The following GLIS3 variants were observed in gnomAD, a reference collection of about 807,000 sequenced individuals.
GLIS3 encodes the protein GLIS family zinc finger 3.
A neutral mutation model predicts 78.6 loss-of-function variants in GLIS3; 53 were observed. That is an observed-to-expected ratio of 0.67 (90% CI 0.54 to 0.85). GLIS3 has a LOEUF of 0.85. Among genes scored for constraint, GLIS3 ranks in the 40% least tolerant of loss-of-function variants. The pLI is 0.00. For missense variants in GLIS3, 1,703 were observed against 1,231.1 expected, an observed-to-expected ratio of 1.38 and a Z score of -5.74; for synonymous variants, 684 against 509.9, an observed-to-expected ratio of 1.34 and a Z score of -4.60.
chr9:3,986,946 CA>C (rs1819788559), intron 4 of GLIS3, among the ~76,000 whole-genome samples: 1 of 152,118 alleles, frequency 6.6e-6, no homozygotes. Flanking sequence ...ACCAAAAAAT[CA>C]CAACTTGAGT....
intron 4 of GLIS3, among the ~76,000 whole-genome samples, chr9:4,021,997 T>G (rs980926163): frequency 2.0e-4 from 30 of 152,336 alleles, no homozygotes; most frequent in African/African-American, 7.2e-4. Context: ...TTTGTTTGTT[T>G]TTAGTCTCCA....
chr9:4,098,532 C>G (rs1247599540), intron 4 of GLIS3, among the ~76,000 whole-genome samples: 2 of 152,168 alleles, frequency 1.3e-5, no homozygotes, highest in Admixed American at 6.5e-5. Context: ...ACAAATTACC[C>G]TGAGAGATTA....
chr9:4,279,242 G>C (rs1270882706), intron 2 of GLIS3, among the ~76,000 whole-genome samples: 1 of 146,166 alleles, frequency 6.8e-6, no homozygotes, highest in African/African-American at 2.5e-5. Flanking sequence ...AGGTTGCAGT[G>C]AGCCGAGATC....
At chr9:4,346,455 T>C (rs1817898709) in intron 2 of GLIS3, among the ~76,000 whole-genome samples, 1 of 152,208 alleles carries the variant, frequency 6.6e-6, no homozygotes, top group African/African-American at 2.4e-5. Flanking sequence ...GGCATCTTGA[T>C]TTAGGAAGAA....
At chr9:4,094,191 C>T (rs138824730) in intron 4 of GLIS3, among the ~76,000 whole-genome samples, 2 of 152,262 alleles carry the variant, frequency 1.3e-5, no homozygotes, top group African/African-American at 2.4e-5. Flanking sequence ...ACGAGAGGAA[C>T]TGAGGAAAAC....
In GLIS3 at chr9:3,849,166, C is replaced by T. The variant is rs148133550; in HGVS notation, c.2473+6843G>A. On this transcript the variant is annotated intron_variant, in intron 9 of 10. Transcript: ENST00000381971. ...AAATAAGAGCACACAGTGGAAAGTACGGAAACCTAAGAGAATGGAAGAGAT... is the reference window on the plus strand; with the variant it reads ...AAATAAGAGCACACAGTGGAAAGTATGGAAACCTAAGAGAATGGAAGAGAT... Among the ~76,000 whole-genome samples, 219 of 152,198 alleles carry T rather than the reference C, an allele frequency of 1.4e-3. 2 individuals are homozygous for T. Among genetic ancestry groups the T allele is most frequent in the African/African-American group, 5.1e-3 (210 of 41,518 alleles).
At chr9:4,149,410 T>C (rs1834493544) in intron 2 of GLIS3, among the ~76,000 whole-genome samples, 1 of 152,206 alleles carries the variant, frequency 6.6e-6, no homozygotes, top group South Asian at 2.1e-4. Flanking sequence ...TTCATTCATA[T>C]TCCCTTAACC....
intron 6 of GLIS3, among the ~76,000 whole-genome samples, chr9:3,902,841 C>G (rs1588188596): frequency 6.6e-6 from 1 of 152,274 alleles, no homozygotes; most frequent in African/African-American, 2.4e-5. Flanking sequence ...AATATAGGAA[C>G]AGAAACCTTA....
the GLIS3 span, among the ~76,000 whole-genome samples, chr9:4,380,039 C>T: frequency 5.3e-5 from 8 of 152,326 alleles, no homozygotes; most frequent in South Asian, 1.5e-3. Context: ...AAGTCACCTA[C>T]TCTTTCTGAG....
At chr9:4,426,790 A>C in the GLIS3 span, among the ~76,000 whole-genome samples, 1 of 152,172 alleles carries the variant, frequency 6.6e-6, no homozygotes, top group African/African-American at 2.4e-5. Context: ...TCATTGGTAA[A>C]ATGGAGACAA....
chr9:4,359,224 G>A, the GLIS3 span, among the ~76,000 whole-genome samples: 3 of 152,020 alleles, frequency 2.0e-5, no homozygotes, highest in South Asian at 2.1e-4. Flanking sequence ...CGAGATGAGC[G>A]CGTGTGAATC....
chr9:4,223,102 A>T (rs553921158), intron 2 of GLIS3, among the ~76,000 whole-genome samples: 30 of 152,326 alleles, frequency 2.0e-4, no homozygotes, highest in Admixed American at 1.4e-3. Context: ...AAACCTTTTC[A>T]TATTTATGAA....
chr9:4,462,218 T>A, the GLIS3 span, among the ~76,000 whole-genome samples: 1 of 152,200 alleles, frequency 6.6e-6, no homozygotes, highest in South Asian at 2.1e-4. Flanking sequence ...ACAAGATCAC[T>A]ATTCAATGTA....
intron 4 of GLIS3, among the ~76,000 whole-genome samples, chr9:4,042,929 T>A (rs1233241682): frequency 1.4e-5 from 2 of 146,840 alleles, no homozygotes; most frequent in Non-Finnish European, 3.0e-5. Flanking sequence ...GGACGCCAAG[T>A]CATTAGAGCT....
the GLIS3 span, among the ~76,000 whole-genome samples, chr9:4,422,720 G>C: frequency 0.012 from 1,816 of 152,346 alleles, 24 homozygotes; most frequent in Non-Finnish European, 0.018. Context: ...CCTGAAGAAA[G>C]TGAAGCAGGT....
intron 4 of GLIS3, among the ~76,000 whole-genome samples, chr9:3,965,029 G>A (rs1036654230): frequency 6.6e-6 from 1 of 151,852 alleles, no homozygotes; most frequent in African/African-American, 2.4e-5. Flanking sequence ...ATAGCAATAT[G>A]AAATAAAATA....
chr9:4,349,139 C>G (rs137903236), upstream of GLIS3, among the ~76,000 whole-genome samples: 2,229 of 152,304 alleles, frequency 0.015, 74 homozygotes, highest in Admixed American at 0.06. Flanking sequence ...CCTCAACTTT[C>G]AACTTAAAAT....
intron 4 of GLIS3, among the ~76,000 whole-genome samples, chr9:3,976,211 A>G (rs1277694189): frequency 1.3e-5 from 2 of 152,058 alleles, no homozygotes; most frequent in Non-Finnish European, 2.9e-5. Context: ...TCACATCAAC[A>G]TGTGAATTTT....
chr9:4,026,867 G>A (rs1184695069), intron 4 of GLIS3, among the ~76,000 whole-genome samples: 2 of 152,108 alleles, frequency 1.3e-5, no homozygotes, highest in African/African-American at 2.4e-5. Context: ...TCCTTTCAAG[G>A]TCGTGTTACT....
Sources: gnomAD v4.1 joint callset for allele counts (sites outside exome capture counted in the v4.1 genomes callset) on GRCh38, gnomAD v4.1.1 for gene constraint, MANE v1.5 for transcripts, NCBI Gene and HGNC (gene_info 2026-07-23, HGNC 2026-07-21) for gene names.